TNR: variants seen among roughly 807,000 people sequenced by gnomAD.
TNR encodes the protein tenascin-R.
TNR carries 45 observed loss-of-function variants against 150.4 expected under a neutral mutation model. The ratio of observed to expected loss-of-function variants is 0.30; its 90% CI spans 0.24 to 0.38. The LOEUF is 0.38. TNR is among the 10% of genes least tolerant of loss of function. The probability of loss-of-function intolerance (pLI) is 1.00; values close to 1 mark genes in which losing one functional copy is unlikely to be tolerated. For synonymous variants in TNR, 687 were observed against 678.4 expected (o/e 1.01, Z -0.20); for missense variants, 1,544 against 1,759.1 (o/e 0.88, Z 2.19).
intron 2 of TNR, among the ~76,000 whole-genome samples, chr1:175,434,644 CT>C: frequency 6.6e-6 from 1 of 152,322 alleles, no homozygotes; most frequent in Non-Finnish European, 1.5e-5. Context: ...CGATATGACT[CT>C]GTTTAGGCCC....
chr1:175,377,467 T>G (rs1304671597), intron 9 of TNR, among the ~76,000 whole-genome samples: 1 of 151,670 alleles, frequency 6.6e-6, no homozygotes, highest in Non-Finnish European at 1.5e-5. Context: ...GGGTTTTTTT[T>G]TTTTTTTTTT....
intron 18 of TNR, among the ~76,000 whole-genome samples, chr1:175,349,242 T>G (rs1650941910): frequency 6.6e-6 from 1 of 152,188 alleles, no homozygotes. Flanking sequence ...TCTGGGCATA[T>G]ATTCCAGAAG....
chr1:175,519,480 C>T (rs1396855596), intron 2 of TNR, among the ~76,000 whole-genome samples: 1 of 152,222 alleles, frequency 6.6e-6, no homozygotes, highest in East Asian at 1.9e-4. Flanking sequence ...TTTACACTTG[C>T]AGTCTATTGC....
At chr1:175,741,481 C>T (rs1385529789) in intron 1 of TNR, among the ~76,000 whole-genome samples, 2 of 152,216 alleles carry the variant, frequency 1.3e-5, no homozygotes, top group Non-Finnish European at 2.9e-5. Flanking sequence ...TCTATCCACT[C>T]ACTTGTTCAA....
At chr1:175,488,596 G>C (rs1381014073) in intron 2 of TNR, among the ~76,000 whole-genome samples, 2 of 152,178 alleles carry the variant, frequency 1.3e-5, no homozygotes, top group Non-Finnish European at 1.5e-5. Flanking sequence ...ATTTGCTATG[G>C]GTCCAGCTTT....
chr1:175,720,060 C>T (rs940002242), intron 1 of TNR, among the ~76,000 whole-genome samples: 1 of 152,218 alleles, frequency 6.6e-6, no homozygotes. Flanking sequence ...TCACTCATAT[C>T]TTCACTTACT....
At chr1:175,427,964 C>T (rs1171646499) in intron 2 of TNR, among the ~76,000 whole-genome samples, 1 of 149,600 alleles carries the variant, frequency 6.7e-6, no homozygotes, top group Non-Finnish European at 1.5e-5. Flanking sequence ...CCTCCCAGCA[C>T]CAAAAAATGC....
At position 175,577,859 on chromosome 1, in the gene TNR, G is replaced by A. The variant is rs566839001; in HGVS notation, c.-164-49490C>T. 9.2e-5 allele frequency among the ~76,000 whole-genome samples: 14 copies of A among 152,248 alleles called. No homozygotes were observed. In the East Asian group the frequency reaches 2.7e-3, roughly 29 times the overall value. On this transcript the variant is annotated intron_variant, in intron 1 of 22. Coordinates refer to ENST00000367674, the MANE Select transcript of TNR (RefSeq NM_003285.3). ...AAATGAGTTTCACATTTTTCTGCAG[G>A]GAAAGATTATCCATGCCATTGCTCA...
intron 15 of TNR, among the ~76,000 whole-genome samples, chr1:175,358,474 T>G (rs1268410924): frequency 6.6e-6 from 1 of 152,244 alleles, no homozygotes; most frequent in African/African-American, 2.4e-5. Flanking sequence ...GTTGTTTAAT[T>G]GTCTGTTTTA....
Position 175,320,697 on chromosome 1 carries a change from C to CGTGTGTGTGTGTGTGTGTGTGTGTGTGT in TNR, c.*2632_*2659dup, listed in dbSNP as rs3030868. ...GGCATGATCTTTTCTGCAGTATTTT[C>CGTGTGTGTGTGTGTGTGTGTGTGTGTGT]GTGTGTGTGTGTGTGTGTGTGTGTG... On this transcript the variant is annotated 3_prime_UTR_variant, in exon 23 of 23. Transcript: ENST00000367674. 3.4e-4 allele frequency: 50 copies of CGTGTGTGTGTGTGTGTGTGTGTGTGTGT among 146,422 alleles called. No individual in the cohort carries two copies. The highest frequency in any genetic ancestry group is 1.2e-3 in the African/African-American group (46 of 39,212). The allele number at this position is 146,422 out of a possible 1,614,324, so 9.1% of individuals were successfully genotyped here.
chr1:175,437,054 C>T (rs1312233247), intron 2 of TNR, among the ~76,000 whole-genome samples: 2 of 152,174 alleles, frequency 1.3e-5, no homozygotes, highest in African/African-American at 4.8e-5. Context: ...AACTCTCCAC[C>T]CCAAATCAAC....
intron 1 of TNR, among the ~76,000 whole-genome samples, chr1:175,706,752 A>G (rs1666851923): frequency 6.6e-6 from 1 of 152,138 alleles, no homozygotes; most frequent in Non-Finnish European, 1.5e-5. Context: ...GGTAAAATCT[A>G]ATTCCCCTTC....
chr1:175,366,189 G>A (rs1171626809), intron 10 of TNR, 51 bp from the exon 11 acceptor site: 37 of 1,525,528 alleles, frequency 2.4e-5, no homozygotes, highest in Non-Finnish European at 2.9e-5. Flanking sequence ...CTGGAGGGCA[G>A]TATTTATTGG....
Position 175,599,435 on chromosome 1 carries a change from A to G in TNR, c.-164-71066T>C, listed in dbSNP as rs958455985. On this transcript the variant is annotated intron_variant, in intron 1 of 22. Coordinates refer to ENST00000367674, the MANE Select transcript of TNR (RefSeq NM_003285.3). This position sits in a 1 kb window ranked among gnomAD's most constrained non-coding sequence, Gnocchi z 4.7. ...CGTGTTGTCATGGCGACGGAAGCAGACCATTAGAGCATTACGAGGAAATGA... is the reference window on the plus strand; with the variant it reads ...CGTGTTGTCATGGCGACGGAAGCAGGCCATTAGAGCATTACGAGGAAATGA... Among the ~76,000 whole-genome samples the G allele has an allele frequency of 1.3e-5, 2 of 152,236 alleles. No homozygotes were observed. The highest frequency in any genetic ancestry group is 2.9e-5 in the Non-Finnish European group (2 of 68,044).
At chr1:175,384,216 G>T (rs988564315) in intron 8 of TNR, among the ~76,000 whole-genome samples, 2 of 152,198 alleles carry the variant, frequency 1.3e-5, no homozygotes, top group African/African-American at 4.8e-5. Flanking sequence ...AGGACTCATT[G>T]TCCACAGAAG....
intron 1 of TNR, among the ~76,000 whole-genome samples, chr1:175,659,162 T>C (rs1378665579): frequency 6.6e-6 from 1 of 152,150 alleles, no homozygotes; most frequent in African/African-American, 2.4e-5. Context: ...CTAGTTAGAA[T>C]CTCATGTCAA....
intron 2 of TNR, among the ~76,000 whole-genome samples, chr1:175,415,336 G>A (rs528601700): frequency 3.3e-5 from 5 of 152,250 alleles, no homozygotes; most frequent in Admixed American, 2.0e-4. Context: ...CTCCATCAGC[G>A]CTGGGCCTTT....
chr1:175,445,365 G>A (rs1265653863), intron 2 of TNR, among the ~76,000 whole-genome samples: 1 of 152,214 alleles, frequency 6.6e-6, no homozygotes, highest in Non-Finnish European at 1.5e-5. Context: ...GCCAAACAAA[G>A]GAATTAGATT....
chr1:175,527,028 A>C (rs945119809), intron 2 of TNR, among the ~76,000 whole-genome samples: 1 of 152,180 alleles, frequency 6.6e-6, no homozygotes, highest in African/African-American at 2.4e-5. Flanking sequence ...TCTTTTATCC[A>C]CACAAGTGCT....
Sources: gnomAD v4.1 joint callset for allele counts (sites outside exome capture counted in the v4.1 genomes callset) on GRCh38, gnomAD v4.1.1 for gene constraint, Gnocchi (gnomAD v3.1) non-coding constraint, MANE v1.5 for transcripts, NCBI Gene and HGNC (gene_info 2026-07-23, HGNC 2026-07-21) for gene names.